PIK3R3: variants seen among roughly 807,000 people sequenced by gnomAD.
PIK3R3 encodes the protein phosphatidylinositol 3-kinase regulatory subunit gamma.
A neutral mutation model predicts 62.9 loss-of-function variants in PIK3R3; 64 were observed. The observed-to-expected ratio is 1.02, with a 90% CI of 0.83 to 1.25. The LOEUF (loss-of-function observed/expected upper bound fraction) is 1.25. PIK3R3 is among the 50% of genes most tolerant of loss of function. The probability of loss-of-function intolerance (pLI) is 0.00; values close to 1 mark genes in which losing one functional copy is unlikely to be tolerated. For missense variants in PIK3R3, 614 were observed against 561.6 expected (o/e 1.09, Z -0.94); for synonymous variants, 165 against 189.0 (o/e 0.87, Z 1.04).
At chr1:46,087,567 G>A (rs921778997) in intron 1 of PIK3R3, among the ~76,000 whole-genome samples, 4 of 147,872 alleles carry the variant, frequency 2.7e-5, no homozygotes, top group Non-Finnish European at 6.0e-5. Context: ...ATATTCTAGG[G>A]TTACCCAATG....
chr1:46,132,255 C>A lies in PIK3R3; in HGVS notation c.-303G>T. 8.7e-7 allele frequency: 1 copy of A among 1,151,362 alleles called. No individual in the cohort carries two copies. The highest frequency in any genetic ancestry group is 1.1e-6 in the Non-Finnish European group (1 of 929,866). 71.3% of individuals were successfully genotyped at this position (1,151,362 alleles called of 1,614,324 possible). A position where few individuals can be genotyped will look rare whatever the true frequency, so the allele number is the denominator to read the frequency against. ...AGCGGCTTCCCAAAAATCCTTTCTA[C>A]ACAGTCGCTCTCCGGGGAGAAAAGC... On this transcript the variant is annotated 5_prime_UTR_variant, in exon 1 of 10. Transcript: ENST00000262741.
At chr1:46,059,678 T>C (rs1648283882) in intron 6 of PIK3R3, among the ~76,000 whole-genome samples, 1 of 152,152 alleles carries the variant, frequency 6.6e-6, no homozygotes, top group Non-Finnish European at 1.5e-5. Flanking sequence ...CCTGTAGTCC[T>C]AGCAACTCGG....
chr1:46,065,941 G>A lies in PIK3R3; in HGVS notation c.621+113C>T, dbSNP rs998377135. ...ATATCATTAAAGTTTCAAAAAGGCT[G>A]TTTAAGCCTTTAAGACATTAAAACA... is the stretch of plus-strand genomic sequence containing the variant. On this transcript the variant is annotated intron_variant, in intron 5 of 9. Transcript: ENST00000262741. The A allele has an allele frequency of 1.3e-5, 12 of 898,212 alleles. No individual in the cohort carries two copies. In the East Asian group the frequency reaches 2.9e-4, roughly 22 times the overall value. The allele number at this position is 898,212 out of a possible 1,614,324, so 55.6% of individuals were successfully genotyped here. A position where few individuals can be genotyped will look rare whatever the true frequency, so the allele number is the denominator to read the frequency against.
intron 5 of PIK3R3, among the ~76,000 whole-genome samples, chr1:46,065,840 A>C (rs553671573): frequency 6.6e-6 from 1 of 152,318 alleles, no homozygotes; most frequent in East Asian, 1.9e-4. Flanking sequence ...CTTTGGTTTT[A>C]TTTTGTCACT....
At chr1:46,122,777 A>G (rs936954381) in intron 1 of PIK3R3, among the ~76,000 whole-genome samples, 2 of 152,190 alleles carry the variant, frequency 1.3e-5, no homozygotes, top group African/African-American at 2.4e-5. Flanking sequence ...CTTTGTTACA[A>G]TAAGTGCCCA....
At position 46,071,138 on chromosome 1, in the gene PIK3R3, C is replaced by T. The variant is rs191763606; in HGVS notation, c.315-4047G>A. On this transcript the variant is annotated intron_variant, in intron 3 of 9. Coordinates refer to ENST00000262741, the MANE Select transcript of PIK3R3 (RefSeq NM_003629.4). Reference sequence around the variant, plus strand: ...CTCTCTCCCTTCTTAATATTTCATCCTTCCATAACTTTGATGAAATTATTA... The same window carrying T: ...CTCTCTCCCTTCTTAATATTTCATCTTTCCATAACTTTGATGAAATTATTA... Among the ~76,000 whole-genome samples the T allele has an allele frequency of 2.1e-4, 32 of 152,178 alleles. No individual in the cohort carries two copies. The East Asian group carries it at 4.6e-3, about 22-fold the overall frequency.
At chr1:46,100,061 TTTAG>T (rs1415988493) in intron 1 of PIK3R3, among the ~76,000 whole-genome samples, 1 of 152,208 alleles carries the variant, frequency 6.6e-6, no homozygotes, top group Non-Finnish European at 1.5e-5. Context: ...ATTAATCCTT[TTTAG>T]TTATTTTTCC....
At chr1:46,076,310 G>T (rs1232528944) in intron 3 of PIK3R3, among the ~76,000 whole-genome samples, 2 of 152,188 alleles carry the variant, frequency 1.3e-5, no homozygotes, top group African/African-American at 4.8e-5. Flanking sequence ...TAGATATTGA[G>T]CAAAATAGCT....
chr1:46,115,216 T>C (rs1571539460), intron 1 of PIK3R3, among the ~76,000 whole-genome samples: 1 of 152,354 alleles, frequency 6.6e-6, no homozygotes, highest in South Asian at 2.1e-4. Flanking sequence ...GGCCAAAGCC[T>C]GTACCCTTCA....
In PIK3R3 at chr1:46,055,265, C is replaced by T. The variant is rs986084293; in HGVS notation, c.941+530G>A. 1.5e-4 allele frequency among the ~76,000 whole-genome samples: 23 copies of T among 152,122 alleles called. 1 individual carries two copies. The highest frequency in any genetic ancestry group is 5.1e-4 in the African/African-American group (21 of 41,418). Reference sequence around the variant, plus strand: ...CTGGGATTACAAGAATGTGCCACCACGCCCAGCTAATTTTGTATTTTTAGT... The same window carrying T: ...CTGGGATTACAAGAATGTGCCACCATGCCCAGCTAATTTTGTATTTTTAGT... On this transcript the variant is annotated intron_variant, in intron 7 of 9. Coordinates refer to ENST00000262741, the MANE Select transcript of PIK3R3 (RefSeq NM_003629.4).
chr1:46,042,540 A>G lies in PIK3R3; in HGVS notation c.*1133T>C, dbSNP rs758961118. On this transcript the variant is annotated 3_prime_UTR_variant, in exon 10 of 10. Coordinates refer to ENST00000262741, the MANE Select transcript of PIK3R3 (RefSeq NM_003629.4). This position sits in a 1 kb window ranked among gnomAD's most constrained non-coding sequence, Gnocchi z 4.3. ...ATCTGACTCCCCTCCTTAGCAACCT[A>G]TAGCTCCCAAAACCCCATCCAGCAA... 1.9e-4 allele frequency: 41 copies of G among 216,330 alleles called. No individual in the cohort carries two copies. The highest frequency in any genetic ancestry group is 5.6e-4 in the South Asian group (3 of 5,382). The allele number at this position is 216,330 out of a possible 1,614,324, so 13.4% of individuals were successfully genotyped here. A position where few individuals can be genotyped will look rare whatever the true frequency, so the allele number is the denominator to read the frequency against.
At chr1:46,131,817 C>T in intron 1 of PIK3R3, 30 bp downstream of exon 1, 3 of 1,592,548 alleles carry the variant, frequency 1.9e-6, no homozygotes, top group Non-Finnish European at 2.6e-6. Context: ...AGACCCATCA[C>T]GAGATTCTTT....
chr1:46,151,201 T>C, the PIK3R3 span, among the ~76,000 whole-genome samples: 1 of 152,130 alleles, frequency 6.6e-6, no homozygotes, highest in Non-Finnish European at 1.5e-5. Context: ...CACAGATTTT[T>C]CATCTCTTCC....
the PIK3R3 span, chr1:46,138,876 T>G: frequency 1.3e-5 from 2 of 152,234 alleles, no homozygotes; most frequent in East Asian, 3.8e-4. Flanking sequence ...GGGTAGAGGC[T>G]ACCTTCCATT....
At chr1:46,085,487 T>A (rs1650974236) in intron 1 of PIK3R3, among the ~76,000 whole-genome samples, 1 of 152,242 alleles carries the variant, frequency 6.6e-6, no homozygotes, top group Non-Finnish European at 1.5e-5. Context: ...TTTTACCTTC[T>A]CTGAGAGTTG....
At chr1:46,146,263 C>G in the PIK3R3 span, among the ~76,000 whole-genome samples, 1 of 152,188 alleles carries the variant, frequency 6.6e-6, no homozygotes, top group East Asian at 1.9e-4. Flanking sequence ...AACTCTAATG[C>G]TGACCAAATG....
intron 9 of PIK3R3, among the ~76,000 whole-genome samples, chr1:46,045,439 T>G (rs1647082863): frequency 6.6e-6 from 1 of 152,118 alleles, no homozygotes; most frequent in Non-Finnish European, 1.5e-5. Context: ...AAGTCACGAT[T>G]ATCTTATGGA....
At chr1:46,174,273 G>A in the PIK3R3 span, among the ~76,000 whole-genome samples, 5 of 152,132 alleles carry the variant, frequency 3.3e-5, no homozygotes, top group African/African-American at 1.2e-4. Flanking sequence ...TTGGGCCCTT[G>A]AGCATGGCCC....
intron 1 of PIK3R3, among the ~76,000 whole-genome samples, chr1:46,095,715 T>TAATC (rs1652059953): frequency 2.6e-5 from 4 of 152,192 alleles, no homozygotes; most frequent in Non-Finnish European, 4.4e-5. Flanking sequence ...AGTTAAAGGT[T>TAATC]GACACATTTA....
Sources: gnomAD v4.1 joint callset for allele counts (sites outside exome capture counted in the v4.1 genomes callset) on GRCh38, gnomAD v4.1.1 for gene constraint, Gnocchi (gnomAD v3.1) non-coding constraint, MANE v1.5 for transcripts, NCBI Gene and HGNC (gene_info 2026-07-23, HGNC 2026-07-21) for gene names.